Variants in PDE8B observed in about 807,000 individuals in gnomAD.
PDE8B encodes the protein high affinity cAMP-specific and IBMX-insensitive 3',5'-cyclic phosphodiesterase 8B.
A neutral mutation model predicts 101.3 loss-of-function variants in PDE8B; 26 were observed. The observed-to-expected ratio is 0.26, with a 90% CI of 0.19 to 0.36. The LOEUF (loss-of-function observed/expected upper bound fraction) is 0.36, where lower values mean the gene tolerates loss of function less well. Among genes scored for constraint, PDE8B ranks in the 10% least tolerant of loss-of-function variants. The pLI is 1.00. For missense variants in PDE8B, 810 were observed against 1,163.1 expected (o/e 0.70, Z 4.42); for synonymous variants, 424 against 429.3 (o/e 0.99, Z 0.15).
At chr5:77,098,729 G>A in the PDE8B span, 1 of 152,266 alleles carries the variant, frequency 6.6e-6, no homozygotes, top group Admixed American at 6.5e-5. Flanking sequence ...GGAAGTCCGA[G>A]ATCAAGGAGC....
At chr5:77,123,797 C>T in the PDE8B span, among the ~76,000 whole-genome samples, 2 of 152,122 alleles carry the variant, frequency 1.3e-5, no homozygotes, top group African/African-American at 2.4e-5. Flanking sequence ...AGGATGAAAT[C>T]CCATAGGACT....
the PDE8B span, among the ~76,000 whole-genome samples, chr5:77,189,438 A>C: frequency 6.6e-6 from 1 of 152,188 alleles, no homozygotes; most frequent in Admixed American, 6.5e-5. Context: ...AAGAGCAATA[A>C]TAACTGTCCA....
chr5:77,378,029 CACACACACACACACACA>C (rs1231547160), intron 10 of PDE8B, among the ~76,000 whole-genome samples: 1 of 128,060 alleles, frequency 7.8e-6, no homozygotes, highest in Non-Finnish European at 1.7e-5. Context: ...CACACACACA[CACACACACACACACACA>C]CACCCCCTGT....
At chr5:77,147,098 C>CA in the PDE8B span, 4 of 378,310 alleles carry the variant, frequency 1.1e-5, no homozygotes, top group African/African-American at 8.8e-5. Context: ...AGGGAGTTGT[C>CA]ACGGCTAAAA....
chr5:77,351,627 C>T (rs1199313267), intron 9 of PDE8B, among the ~76,000 whole-genome samples: 3 of 152,160 alleles, frequency 2.0e-5, no homozygotes, highest in Non-Finnish European at 2.9e-5. Context: ...CTGAGGGCAT[C>T]TCAATCCACT....
At chr5:77,290,799 G>A (rs1767137673) in intron 1 of PDE8B, 6 of 1,486,728 alleles carry the variant, frequency 4.0e-6, no homozygotes, top group East Asian at 2.3e-5. Flanking sequence ...TTGGAACAAC[G>A]CCATTGTCAT....
the PDE8B span, among the ~76,000 whole-genome samples, chr5:77,171,741 G>T: frequency 6.6e-6 from 1 of 152,178 alleles, no homozygotes. Flanking sequence ...TCCCTAGGCA[G>T]GTGGTAATGG....
At chr5:77,262,614 C>A (rs1005750240) in intron 1 of PDE8B, among the ~76,000 whole-genome samples, 4 of 152,198 alleles carry the variant, frequency 2.6e-5, no homozygotes, top group African/African-American at 9.6e-5. Context: ...AAATAAACTT[C>A]TTTGATTGCA....
chr5:77,089,870 A>C, the PDE8B span, among the ~76,000 whole-genome samples: 2 of 152,238 alleles, frequency 1.3e-5, no homozygotes, highest in Non-Finnish European at 2.9e-5. Flanking sequence ...CACTATTCAC[A>C]ATAGCCAAGA....
At chr5:77,135,053 T>A in the PDE8B span, among the ~76,000 whole-genome samples, 1 of 152,162 alleles carries the variant, frequency 6.6e-6, no homozygotes, top group African/African-American at 2.4e-5. Flanking sequence ...GATCACTGAA[T>A]AAGATGAGGA....
chr5:77,422,012 T>C, intron 20 of PDE8B, 24 bp downstream of exon 20: 2 of 1,607,312 alleles, frequency 1.2e-6, no homozygotes, highest in South Asian at 2.2e-5. Context: ...CCAGGGAAGC[T>C]CCACTTCCCC....
At chr5:77,266,443 A>C (rs1436749146) in intron 1 of PDE8B, among the ~76,000 whole-genome samples, 2 of 152,192 alleles carry the variant, frequency 1.3e-5, no homozygotes, top group Non-Finnish European at 2.9e-5. Flanking sequence ...AGCGCTGTCT[A>C]TTCCTAGGGG....
chr5:77,405,784 C>T (rs1793300847), intron 12 of PDE8B, among the ~76,000 whole-genome samples: 1 of 152,118 alleles, frequency 6.6e-6, no homozygotes, highest in East Asian at 1.9e-4. Flanking sequence ...TATCAGAACT[C>T]GAGAGCGGAC....
chr5:77,323,384 C>T (rs1202771868), intron 2 of PDE8B, among the ~76,000 whole-genome samples: 1 of 152,102 alleles, frequency 6.6e-6, no homozygotes, highest in East Asian at 1.9e-4. Context: ...ATAATATATC[C>T]AGATATTTAT....
At chr5:77,399,309 G>A (rs1200625261) in intron 10 of PDE8B, among the ~76,000 whole-genome samples, 1 of 152,208 alleles carries the variant, frequency 6.6e-6, no homozygotes, top group Admixed American at 6.5e-5. Context: ...CAACATGGTG[G>A]ATTAGCATCC....
At chr5:77,205,934 T>C (rs1334014648), upstream of PDE8B, among the ~76,000 whole-genome samples, 1 of 152,188 alleles carries the variant, frequency 6.6e-6, no homozygotes, top group Non-Finnish European at 1.5e-5. Flanking sequence ...GTAGACAACA[T>C]TGCTACCAAC....
chr5:77,126,864 G>A, the PDE8B span, among the ~76,000 whole-genome samples: 3 of 152,126 alleles, frequency 2.0e-5, no homozygotes. Context: ...ACATCCCTGA[G>A]CTTTCTGACT....
At chr5:77,311,573 G>A (rs1772625181) in intron 1 of PDE8B, among the ~76,000 whole-genome samples, 1 of 152,238 alleles carries the variant, frequency 6.6e-6, no homozygotes, top group African/African-American at 2.4e-5. Flanking sequence ...AGATTTGAGA[G>A]AAATGTTTAT....
At chr5:77,224,911 C>A (rs1418163600) in intron 1 of PDE8B, among the ~76,000 whole-genome samples, 1 of 152,016 alleles carries the variant, frequency 6.6e-6, no homozygotes, top group Non-Finnish European at 1.5e-5. Context: ...CCTTGTATTC[C>A]CTGTATGTTG....
Sources: allele counts gnomAD v4.1 joint callset (sites outside exome capture counted in the v4.1 genomes callset), GRCh38; gene constraint gnomAD v4.1.1; transcripts MANE v1.5; gene names NCBI Gene and HGNC (gene_info 2026-07-23, HGNC 2026-07-21).